PRRC2B: variants seen among roughly 807,000 people sequenced by gnomAD.
The protein encoded by PRRC2B is protein PRRC2B.
In PRRC2B, 68 loss-of-function variants were observed where a neutral mutation model predicts 242.3. The observed-to-expected ratio is 0.28, with a 90% CI of 0.23 to 0.34. The LOEUF is 0.34. PRRC2B is among the 10% of genes least tolerant of loss of function. The pLI is 1.00. For synonymous variants in PRRC2B, 1,228 were observed against 1,173.6 expected, an observed-to-expected ratio of 1.05 and a Z score of -0.95; for missense variants, 2,835 against 2,954.8, an observed-to-expected ratio of 0.96 and a Z score of 0.94.
intron 10 of PRRC2B, among the ~76,000 whole-genome samples, chr9:131,455,481 A>T (rs1265745844): frequency 6.7e-6 from 1 of 150,188 alleles, no homozygotes; most frequent in Non-Finnish European, 1.5e-5. Flanking sequence ...TGGCCAAGCA[A>T]GTTTGGGAAA....
At chr9:131,478,651 T>TGGGGGCG in intron 18 of PRRC2B, 32 bp downstream of exon 18, 7 of 475,340 alleles carry the variant, frequency 1.5e-5, no homozygotes, top group East Asian at 1.0e-4. Flanking sequence ...GGCATGGGGC[T>TGGGGGCG]GGAGGGCAGG....
chr9:131,387,482 AAGTTGACACTC>A, intron 1 of PRRC2B, among the ~76,000 whole-genome samples: 1 of 150,552 alleles, frequency 6.6e-6, no homozygotes, highest in Middle Eastern at 3.4e-3. Context: ...CAATACAATC[AAGTTGACACTC>A]AGTATTAACC....
At chr9:131,420,495 T>TTCTCTCTTTCTTTCTTTCTTTCTTTC (rs1373568254) in intron 1 of PRRC2B, among the ~76,000 whole-genome samples, 1 of 79,862 alleles carries the variant, frequency 1.3e-5, no homozygotes, top group African/African-American at 5.2e-5. Flanking sequence ...CTTTCTTTCT[T>TTCTCTCTTTCTTTCTTTCTTTCTTTC]TTTTTTTTTT....
rs763637681 is a variant in PRRC2B at position 131,470,819 on chromosome 9, C to T, written c.1943C>T (p.Pro648Leu). 4.2e-5 allele frequency: 67 copies of T among 1,612,486 alleles called. No individual in the cohort carries two copies. In the East Asian group the frequency reaches 6.5e-4, roughly 16 times the overall value. Reference sequence around the variant, plus strand: ...CTGTACAAGATGCAGCACTGGCAGCCGGTGTACCCCCCGCCGTCCCACCCC... The same window carrying T: ...CTGTACAAGATGCAGCACTGGCAGCTGGTGTACCCCCCGCCGTCCCACCCC... ...EQLYKMQHWQ[P>L]VYPPPSHPQR... The change falls in exon 14 of 32, where the codon CCG becomes CTG. Residue 648 changes from proline (P) to leucine (L), a missense_variant. Around this residue, in one of 7 missense-constraint regions of PRRC2B, gnomAD observed 1,536 missense variants for 1,483.1 expected, o/e 1.04. Coordinates refer to ENST00000683519, the MANE Select transcript of PRRC2B (RefSeq NM_013318.4).
At chr9:131,394,968 T>G (rs1837004405) in intron 1 of PRRC2B, among the ~76,000 whole-genome samples, 1 of 151,464 alleles carries the variant, frequency 6.6e-6, no homozygotes, top group Non-Finnish European at 1.5e-5. Context: ...GGGTTTTTTT[T>G]TTTTTCCTCC....
In PRRC2B at chr9:131,471,010, A is replaced by G. The variant is rs375972526; in HGVS notation, c.2107+27A>G. On this transcript the variant is annotated intron_variant, in intron 14 of 31. Transcript: ENST00000683519. The stretch of plus-strand genomic sequence containing the variant: ...TAAGCACTGTGGTCTGACGGTCCAT[A>G]CCTGTATCACCCAGGATAGCGTGGT... 1.2e-5 allele frequency: 18 copies of G among 1,537,482 alleles called. No individual in the cohort carries two copies. The African/African-American group carries it at 2.5e-4, about 21-fold the overall frequency.
At chr9:131,442,893 C>T (rs1378587549) in intron 5 of PRRC2B, among the ~76,000 whole-genome samples, 2 of 152,134 alleles carry the variant, frequency 1.3e-5, no homozygotes, top group African/African-American at 4.8e-5. Context: ...GGCTTCTTCT[C>T]TAAAGCAGGT....
In PRRC2B at chr9:131,477,880, G is replaced by A. The variant is rs1943749560; in HGVS notation, c.4543G>A (p.Ala1515Thr). 1.2e-6 allele frequency: 2 copies of A among 1,613,944 alleles called. No homozygotes were observed. The highest frequency in any genetic ancestry group is 1.1e-5 in the South Asian group (1 of 91,094). ...EASSKKAEKEAKLAAPRAGEQ... is the reference protein window; with the variant it reads ...EASSKKAEKETKLAAPRAGEQ... ...CTCCAGTAAAAAGGCAGAGAAGGAG[G>A]CCAAGTTGGCTGCTCCGAGGGCAGG... Residue 1515 changes from alanine (A) to threonine (T), a missense_variant, in exon 17 of 32, where the codon GCC becomes ACC. Physicochemically the swap from Ala to Thr is moderately conservative, Grantham distance 58. Transcript: ENST00000683519.
In PRRC2B at chr9:131,494,302, C is replaced by T. The variant is rs1032007061; in HGVS notation, c.6474-103C>T. ...ACCGTCCCGAGTGAGCGCCTCTGGC[C>T]GCAGGCCCTTCCTTCCTTGTGCCTC... On this transcript the variant is annotated intron_variant, in intron 30 of 31. Coordinates refer to ENST00000683519, the MANE Select transcript of PRRC2B (RefSeq NM_013318.4). This position sits in a 1 kb window ranked among gnomAD's most constrained non-coding sequence, Gnocchi z 4.3. 3.2e-5 allele frequency: 21 copies of T among 660,738 alleles called. No individual in the cohort carries two copies. The highest frequency in any genetic ancestry group is 1.8e-4 in the African/African-American group (10 of 54,242). The allele number at this position is 660,738 out of a possible 1,614,324, so 40.9% of individuals were successfully genotyped here.
intron 12 of PRRC2B, 102 bp downstream of exon 12, chr9:131,465,180 T>C: frequency 8.8e-7 from 1 of 1,141,960 alleles, no homozygotes; most frequent in South Asian, 1.6e-5. Flanking sequence ...AACGTATGGC[T>C]TACAACGAGA....
chr9:131,440,125 T>TC (rs1438178961), intron 5 of PRRC2B, among the ~76,000 whole-genome samples: 3 of 152,160 alleles, frequency 2.0e-5, no homozygotes, highest in African/African-American at 7.2e-5. Flanking sequence ...CAGGCTGGTC[T>TC]CCAACTCCTG....
At chr9:131,428,527 G>T (rs1838035156) in intron 1 of PRRC2B, among the ~76,000 whole-genome samples, 1 of 152,178 alleles carries the variant, frequency 6.6e-6, no homozygotes, top group African/African-American at 2.4e-5. Flanking sequence ...CTCCTGAGTA[G>T]CTGGGATTAT....
rs1943347807 is a variant in PRRC2B, at chr9:131,464,896, A to T, written c.1538A>T (p.Glu513Val). Reference protein sequence around the residue: ...VERARKRREEEERRAREERLA... With the variant: ...VERARKRREEVERRAREERLA... Reference sequence around the variant, plus strand: ...CGAGCCCGAAAGCGCCGGGAAGAAGAGGAGCGCCGAGCCCGGGAGGAGAGG... The same window carrying T: ...CGAGCCCGAAAGCGCCGGGAAGAAGTGGAGCGCCGAGCCCGGGAGGAGAGG... The change falls in exon 12 of 32, where the codon GAG becomes GTG. Residue 513 changes from glutamate to valine, a missense_variant. Around this residue, in one of 7 missense-constraint regions of PRRC2B, gnomAD observed 626 missense variants for 685.5 expected, o/e 0.91. Transcript: ENST00000683519. 6.2e-7 allele frequency: 1 copy of T among 1,613,546 alleles called. No individual in the cohort carries two copies. Among genetic ancestry groups the T allele is most frequent in the African/African-American group, 1.3e-5 (1 of 74,948 alleles).
rs1290338923 is a variant in PRRC2B, at chr9:131,492,197, A to T, written c.6410A>T (p.His2137Leu). Residue 2137 changes from histidine to leucine, a missense_variant, in exon 30 of 32, where the codon CAC (histidine) becomes CTC (leucine). Transcript: ENST00000683519. Reference protein sequence around the residue: ...EPSQMEMKGFHFADSKQNVPS... With the variant: ...EPSQMEMKGFLFADSKQNVPS... ...TCTCAGATGGAGATGAAAGGCTTCC[A>T]CTTTGCCGACAGTAAACAGAATGTC... The T allele has an allele frequency of 1.2e-6, 2 of 1,613,828 alleles. No individual in the cohort carries two copies.
upstream of PRRC2B, among the ~76,000 whole-genome samples, chr9:131,390,889 C>T (rs142085606): frequency 5.2e-3 from 771 of 149,548 alleles, 5 homozygotes; most frequent in African/African-American, 0.018. Context: ...CAGGTTCAAG[C>T]AGTTCTCCTG....
chr9:131,407,246 G>A (rs1837390132), intron 1 of PRRC2B, among the ~76,000 whole-genome samples: 1 of 152,174 alleles, frequency 6.6e-6, no homozygotes, highest in Non-Finnish European at 1.5e-5. Context: ...TGGGGGAAGG[G>A]GAAAGGTGGG....
chr9:131,450,595 T>G (rs1299015770), intron 9 of PRRC2B, among the ~76,000 whole-genome samples: 1 of 149,028 alleles, frequency 6.7e-6, no homozygotes, highest in Non-Finnish European at 1.5e-5. Context: ...TTGGTGGTGT[T>G]TTTTTTTTTG....
At chr9:131,386,829 TAA>T (rs1196523228) in intron 1 of PRRC2B, among the ~76,000 whole-genome samples, 12 of 149,230 alleles carry the variant, frequency 8.0e-5, no homozygotes, top group South Asian at 4.2e-4. Flanking sequence ...TATATATATA[TAA>T]GTCATATATA....
Position 131,419,975 on chromosome 9 carries a change from G to A in PRRC2B, c.-51-10119G>A, listed in dbSNP as rs141860104. ...TGGTGGAGGGGACCCAGCTGACCAT[G>A]TGGTTCCGGCAAGGGGCTTGCAACT... On this transcript the variant is annotated intron_variant, in intron 1 of 31. Coordinates refer to ENST00000683519, the MANE Select transcript of PRRC2B (RefSeq NM_013318.4). Among the ~76,000 whole-genome samples, 302 of 152,260 alleles carry A rather than the reference G, an allele frequency of 2.0e-3. 1 individual carries two copies. The highest frequency in any genetic ancestry group is 6.8e-3 in the African/African-American group (284 of 41,524).
Sources: gnomAD v4.1 joint callset for allele counts (sites outside exome capture counted in the v4.1 genomes callset) on GRCh38, gnomAD v4.1.1 for gene constraint, gnomAD v4.1.1 regional missense constraint, Gnocchi (gnomAD v3.1) non-coding constraint, MANE v1.5 for transcripts, NCBI Gene and HGNC (gene_info 2026-07-23, HGNC 2026-07-21) for gene names.